CACNA1D: variants seen among roughly 807,000 people sequenced by gnomAD.
CACNA1D encodes the protein calcium voltage-gated channel subunit alpha1 D, also known as voltage-dependent L-type calcium channel subunit alpha-1D.
CACNA1D carries 55 observed loss-of-function variants against 257.1 expected under a neutral mutation model. That is an observed-to-expected ratio of 0.21 (90% CI 0.17 to 0.27). The LOEUF is 0.27. Among genes scored for constraint, CACNA1D ranks in the 10% least tolerant of loss-of-function variants. CACNA1D has a pLI of 1.00. For synonymous variants in CACNA1D, 980 were observed against 1,014.9 expected (o/e 0.97, Z 0.65); for missense variants, 1,876 against 2,784.0 (o/e 0.67, Z 7.34).
intron 3 of CACNA1D, among the ~76,000 whole-genome samples, chr3:53,529,219 A>C (rs1056458539): frequency 1.3e-5 from 2 of 152,140 alleles, no homozygotes; most frequent in Non-Finnish European, 2.9e-5. Flanking sequence ...TTATTATGAA[A>C]GGATGTTGAA....
chr3:53,796,921 T>C (rs1422497496), intron 40 of CACNA1D, among the ~76,000 whole-genome samples: 2 of 152,236 alleles, frequency 1.3e-5, no homozygotes, highest in East Asian at 3.8e-4. Flanking sequence ...GTGATGTTAA[T>C]GGAATGACTT....
rs1372425058 is a variant in CACNA1D, at chr3:53,495,697, C to T, written c.67+464C>T. 2.6e-5 allele frequency among the ~76,000 whole-genome samples: 4 copies of T among 152,268 alleles called. No homozygotes were observed. Among genetic ancestry groups the T allele is most frequent in the Admixed American group, 1.3e-4 (2 of 15,292 alleles). ...AAATTCTAGGATTGCCCGGTTTCGC[C>T]CTCCGCGCCGGTGGGTGAAGCACAC... On this transcript the variant is annotated intron_variant, in intron 1 of 47. Transcript: ENST00000350061. This position sits in a 1 kb window ranked among gnomAD's most constrained non-coding sequence, Gnocchi z 5.1.
chr3:53,579,852 A>G (rs946726870), intron 3 of CACNA1D, among the ~76,000 whole-genome samples: 2 of 152,218 alleles, frequency 1.3e-5, no homozygotes, highest in African/African-American at 4.8e-5. Flanking sequence ...AGAAAGACTC[A>G]AGGTGAAGGC....
intron 22 of CACNA1D, among the ~76,000 whole-genome samples, chr3:53,743,805 G>C (rs2108831644): frequency 6.6e-6 from 1 of 152,234 alleles, no homozygotes; most frequent in South Asian, 2.1e-4. Flanking sequence ...AATCTCCCCT[G>C]TATGAGCACA....
intron 45 of CACNA1D, among the ~76,000 whole-genome samples, chr3:53,807,136 G>C (rs1230866055): frequency 6.6e-6 from 1 of 151,676 alleles, no homozygotes; most frequent in African/African-American, 2.4e-5. Flanking sequence ...GTGTTGTGCA[G>C]AGCACATGAG....
intron 8 of CACNA1D, among the ~76,000 whole-genome samples, chr3:53,694,413 C>T (rs2094555426): frequency 6.6e-6 from 1 of 152,176 alleles, no homozygotes; most frequent in Non-Finnish European, 1.5e-5. Context: ...GTGAGCAGAG[C>T]TGGGCTTTAT....
chr3:53,719,788 A>G lies in CACNA1D; in HGVS notation c.1505+7A>G. On this transcript the variant is annotated splice_region_variant and intron_variant, in intron 11 of 47. Transcript: ENST00000350061. ...TCTCAAAATCCAAACTCAGGTCAGT[A>G]TCTTCTTTCTGTTTCTTCGTCAGCC... is the stretch of plus-strand genomic sequence containing the variant. 6.2e-7 allele frequency: 1 copy of G among 1,612,796 alleles called. No individual in the cohort carries two copies. The highest frequency in any genetic ancestry group is 8.5e-7 in the Non-Finnish European group (1 of 1,178,758).
chr3:53,523,082 TTCTTTTGGCTGCATTGGTTGG>T (rs1195653088), intron 3 of CACNA1D, among the ~76,000 whole-genome samples: 55 of 152,210 alleles, frequency 3.6e-4, no homozygotes, highest in African/African-American at 1.3e-3. Context: ...TCGAGTTTAG[TTCTTTTGGCTGCATTGGTTGG>T]TGGTGTTTTG....
chr3:53,698,445 T>C (rs2094592107), intron 8 of CACNA1D, among the ~76,000 whole-genome samples: 1 of 152,250 alleles, frequency 6.6e-6, no homozygotes, highest in Admixed American at 6.5e-5. Context: ...ACTGAGAGTA[T>C]GTCGTCAAAT....
At chr3:53,708,199 C>G (rs542559399) in intron 9 of CACNA1D, among the ~76,000 whole-genome samples, 33 of 152,366 alleles carry the variant, frequency 2.2e-4, no homozygotes, top group African/African-American at 6.0e-4. Flanking sequence ...TAGCAATTTG[C>G]TGGTCCTGTT....
Position 53,772,908 on chromosome 3 carries a change from A to T in CACNA1D, c.4110+10A>T. ...GGTCATTGGCATGCAGGTAAGCTCC[A>T]GCCATCTCGCCCTCAGGGGCCCTTT... On this transcript the variant is annotated intron_variant, in intron 33 of 47. Coordinates refer to ENST00000350061, the MANE Select transcript of CACNA1D (RefSeq NM_001128840.3). 6.2e-7 allele frequency: 1 copy of T among 1,612,960 alleles called. No homozygotes were observed.
intron 3 of CACNA1D, among the ~76,000 whole-genome samples, chr3:53,588,923 C>T (rs949332547): frequency 1.3e-5 from 2 of 152,162 alleles, no homozygotes; most frequent in Non-Finnish European, 2.9e-5. Flanking sequence ...CCATTTTGTC[C>T]TGTTCACCTT....
At chr3:53,552,372 A>G (rs1473273859) in intron 3 of CACNA1D, among the ~76,000 whole-genome samples, 2 of 151,616 alleles carry the variant, frequency 1.3e-5, no homozygotes, top group African/African-American at 2.4e-5. Context: ...ACATAGACCA[A>G]TTCCCTTTCT....
chr3:53,778,824 G>A (rs1377388745), intron 37 of CACNA1D, among the ~76,000 whole-genome samples: 1 of 152,232 alleles, frequency 6.6e-6, no homozygotes, highest in Non-Finnish European at 1.5e-5. Flanking sequence ...AAGCCTGGGA[G>A]AAGCCACATA....
chr3:53,740,286 G>A lies in CACNA1D; in HGVS notation c.2758G>A (p.Gly920Ser), dbSNP rs2095103382. 10 of 1,610,374 alleles carry A rather than the reference G, an allele frequency of 6.2e-6. No homozygotes were observed. Among genetic ancestry groups the A allele is most frequent in the Non-Finnish European group, 8.5e-6 (10 of 1,176,730 alleles). Residue 920 changes from glycine to serine, a missense_variant, in exon 21 of 48, where the codon GGT (glycine) becomes AGT (serine). Physicochemically the swap from Gly to Ser is moderately conservative, Grantham distance 56. Around this residue, in one of 10 missense-constraint regions of CACNA1D, gnomAD observed 271 missense variants for 425.5 expected, o/e 0.64. Transcript: ENST00000350061. ...RSHSFRNTIL[G>S]YFDYAFTAIF... Reference sequence around the variant, plus strand: ...CACATGTTGTGCCTTGCAGATACTGGGTTACTTTGACTATGCCTTCACAGC... The same window carrying A: ...CACATGTTGTGCCTTGCAGATACTGAGTTACTTTGACTATGCCTTCACAGC...
At chr3:53,787,051 C>T in intron 40 of CACNA1D, 99 bp downstream of exon 40, 1 of 1,314,468 alleles carries the variant, frequency 7.6e-7, no homozygotes, top group Non-Finnish European at 1.1e-6. Flanking sequence ...AGCAGTACCA[C>T]AAGGATTTTG....
Position 53,800,558 on chromosome 3 carries a change from C to A in CACNA1D, c.5040+193C>A, listed in dbSNP as rs2106771058. ...CATCAGCACCTCTTCTAGGGCCAGG[C>A]CAGCTCTTTCCCTGAGCTTACCCAG... On this transcript the variant is annotated intron_variant, in intron 41 of 47. Transcript: ENST00000350061. The surrounding 1 kb of genome is among the most constrained non-coding windows in gnomAD (Gnocchi z 4.3). The A allele has an allele frequency of 7.6e-6, 5 of 660,082 alleles. No homozygotes were observed. In the Admixed American group the frequency reaches 1.0e-4, roughly 14 times the overall value. 40.9% of individuals were successfully genotyped at this position (660,082 alleles called of 1,614,324 possible).
At chr3:53,735,258 C>T (rs2095046145) in intron 19 of CACNA1D, 116 bp from the exon 20 acceptor site, 1 of 1,010,414 alleles carries the variant, frequency 9.9e-7, no homozygotes, top group South Asian at 1.3e-5. Context: ...GCATGGGCAG[C>T]ACAGCAGACA....
intron 3 of CACNA1D, among the ~76,000 whole-genome samples, chr3:53,533,065 A>G (rs767871031): frequency 2.6e-5 from 4 of 152,290 alleles, no homozygotes; most frequent in Admixed American, 1.3e-4. Context: ...ACTTCTTTTG[A>G]TGTCTTAGCC....
Sources: allele counts gnomAD v4.1 joint callset (sites outside exome capture counted in the v4.1 genomes callset), GRCh38; gene constraint gnomAD v4.1.1; regional missense constraint gnomAD v4.1.1; non-coding constraint Gnocchi (gnomAD v3.1); transcripts MANE v1.5; gene names NCBI Gene and HGNC (gene_info 2026-07-23, HGNC 2026-07-21).